The following DNAJC24 variants were observed in gnomAD, a reference collection of about 807,000 sequenced individuals.
DNAJC24 encodes the protein DnaJ heat shock protein family (Hsp40) member C24.
Under a neutral mutation model 18.0 loss-of-function variants are expected in DNAJC24, and 17 were observed. The ratio of observed to expected loss-of-function variants is 0.94; its 90% confidence interval spans 0.65 to 1.42. The LOEUF is 1.42. Among genes scored for constraint, DNAJC24 ranks in the 40% most tolerant of loss-of-function variants. The probability of loss-of-function intolerance (pLI) is 0.00; values close to 1 mark genes in which losing one functional copy is unlikely to be tolerated. For synonymous variants in DNAJC24, 55 were observed against 57.7 expected, an observed-to-expected ratio of 0.95 and a Z score of 0.21; for missense variants, 158 against 175.6, an observed-to-expected ratio of 0.90 and a Z score of 0.57.
chr11:31,392,709 C>CTTTTT (rs1194936438), intron 2 of DNAJC24, among the ~76,000 whole-genome samples: 2 of 129,322 alleles, frequency 1.5e-5, no homozygotes, highest in Admixed American at 7.8e-5. Flanking sequence ...TCACAATTTT[C>CTTTTT]TTTTTTTTTT....
intron 2 of DNAJC24, among the ~76,000 whole-genome samples, chr11:31,397,979 T>A (rs1952559919): frequency 6.6e-6 from 1 of 152,034 alleles, no homozygotes; most frequent in Non-Finnish European, 1.5e-5. Context: ...ATTTTTGTAT[T>A]CTCAGTAGAG....
chr11:31,404,646 A>G (rs531297815), intron 2 of DNAJC24, among the ~76,000 whole-genome samples: 3 of 152,274 alleles, frequency 2.0e-5, no homozygotes, highest in Admixed American at 2.0e-4. Flanking sequence ...AGTTTTTATT[A>G]TCTTTAGAGG....
intron 3 of DNAJC24, among the ~76,000 whole-genome samples, chr11:31,421,635 C>T (rs1370619315): frequency 2.6e-5 from 4 of 151,906 alleles, no homozygotes; most frequent in Non-Finnish European, 5.9e-5. Flanking sequence ...TTTATTTTTA[C>T]TTTATTTTTT....
At chr11:31,387,434 G>A (rs1315154328) in intron 2 of DNAJC24, among the ~76,000 whole-genome samples, 1 of 152,172 alleles carries the variant, frequency 6.6e-6, no homozygotes, top group Non-Finnish European at 1.5e-5. Context: ...GGGAAAATAA[G>A]GGAAGAGTAC....
intron 2 of DNAJC24, chr11:31,396,159 TTTACTG>T (rs1344443268): frequency 2.8e-6 from 1 of 363,098 alleles, no homozygotes; most frequent in East Asian, 7.4e-5. Context: ...ATGTAGTGGA[TTTACTG>T]TGACATCTGA....
At chr11:31,390,858 C>A (rs755868375) in intron 2 of DNAJC24, among the ~76,000 whole-genome samples, 2 of 152,088 alleles carry the variant, frequency 1.3e-5, no homozygotes, top group Non-Finnish European at 2.9e-5. Flanking sequence ...CTTCAAAATT[C>A]GTTCTACAAG....
intron 2 of DNAJC24, among the ~76,000 whole-genome samples, chr11:31,409,098 C>G (rs532570598): frequency 6.6e-6 from 1 of 152,262 alleles, no homozygotes; most frequent in African/African-American, 2.4e-5. Context: ...GTAATTCAAG[C>G]TTTTCACTAA....
chr11:31,404,903 C>A (rs1952639557), intron 2 of DNAJC24, among the ~76,000 whole-genome samples: 1 of 151,166 alleles, frequency 6.6e-6, no homozygotes, highest in Non-Finnish European at 1.5e-5. Context: ...AAAAAAAAAA[C>A]CAAAACACAA....
intron 2 of DNAJC24, among the ~76,000 whole-genome samples, chr11:31,398,461 G>A (rs1256098429): frequency 1.3e-5 from 2 of 152,100 alleles, no homozygotes; most frequent in African/African-American, 4.8e-5. Context: ...AGTTAAATCA[G>A]TTGAAGTTTT....
At chr11:31,406,955 A>G (rs1288194471) in intron 2 of DNAJC24, among the ~76,000 whole-genome samples, 2 of 152,230 alleles carry the variant, frequency 1.3e-5, no homozygotes, top group Non-Finnish European at 2.9e-5. Context: ...GGAATTCAAC[A>G]GGAGGATAAA....
Position 31,374,972 on chromosome 11 carries a change from T to A in DNAJC24, c.111+4113T>A, listed in dbSNP as rs538575274. 5.6e-4 allele frequency among the ~76,000 whole-genome samples: 76 copies of A among 135,138 alleles called. 7 individuals are homozygous for A. The highest frequency in any genetic ancestry group is 1.1e-3 in the African/African-American group (43 of 40,304). 88.7% of individuals were successfully genotyped at this position (135,138 alleles called of 152,430 possible). On this transcript the variant is annotated intron_variant, in intron 2 of 4. Coordinates refer to ENST00000465995, the MANE Select transcript of DNAJC24 (RefSeq NM_181706.5). Reference sequence around the variant, plus strand: ...GTTCTTACACATTTATGCCTTTTTTTAAAAAATTATTATTCCTTTTCTGTT... The same window carrying A: ...GTTCTTACACATTTATGCCTTTTTTAAAAAAATTATTATTCCTTTTCTGTT...
intron 2 of DNAJC24, chr11:31,385,112 CATTT>C (rs1221974136): frequency 1.3e-5 from 2 of 152,114 alleles, no homozygotes; most frequent in African/African-American, 2.4e-5. Context: ...AAGTTTTAAA[CATTT>C]ATCACAAATT....
Position 31,369,896 on chromosome 11 carries a change from C to G in DNAJC24, c.-50C>G, listed in dbSNP as rs1205366787. The stretch of plus-strand genomic sequence containing the variant: ...ACAGCAGGCGAGGAGTGGGTAGCAG[C>G]GCCTATGTGAAGTTAGGTAGGTCTG... On this transcript the variant is annotated 5_prime_UTR_variant, in exon 1 of 5. Coordinates refer to ENST00000465995, the MANE Select transcript of DNAJC24 (RefSeq NM_181706.5). 6.6e-6 allele frequency: 1 copy of G among 152,570 alleles called. No individual in the cohort carries two copies. Among genetic ancestry groups the G allele is most frequent in the Admixed American group, 6.5e-5 (1 of 15,272 alleles). The allele number at this position is 152,570 out of a possible 1,614,324, so 9.5% of individuals were successfully genotyped here.
intron 2 of DNAJC24, chr11:31,374,068 T>C (rs149751448): frequency 2.7e-6 from 1 of 373,914 alleles, no homozygotes; most frequent in African/African-American, 2.1e-5. Context: ...GTCTTACCAA[T>C]CTGTATGTCT....
chr11:31,425,840 C>A (rs1473127156), intron 3 of DNAJC24, among the ~76,000 whole-genome samples: 1 of 152,204 alleles, frequency 6.6e-6, no homozygotes, highest in African/African-American at 2.4e-5. Context: ...CAAACCAATA[C>A]ACCTAATGTT....
chr11:31,399,988 A>G (rs777360714), intron 2 of DNAJC24, among the ~76,000 whole-genome samples: 3 of 151,360 alleles, frequency 2.0e-5, no homozygotes, highest in Non-Finnish European at 4.4e-5. Flanking sequence ...TTCAGCTCCC[A>G]CTTATGAGTG....
In DNAJC24 at chr11:31,426,314, T is replaced by C; in HGVS notation, c.278T>C (p.Val93Ala). 3.2e-6 allele frequency: 5 copies of C among 1,571,712 alleles called. No homozygotes were observed. The highest frequency in any genetic ancestry group is 3.4e-6 in the Non-Finnish European group (4 of 1,161,036). ...CEDDLRNVGPVDAQVYLEEMS... is the reference protein window; with the variant it reads ...CEDDLRNVGPADAQVYLEEMS... ...GATGATCTAAGAAATGTAGGACCAG[T>C]AGATGCTCAAGTATATCTTGAAGAA... is the stretch of plus-strand genomic sequence containing the variant. The change falls in exon 4 of 5, where the codon GTA becomes GCA. Residue 93 changes from valine (V) to alanine (A), a missense_variant. Physicochemically the swap from Val to Ala is moderately conservative, Grantham distance 64 (BLOSUM62 0). Coordinates refer to ENST00000465995, the MANE Select transcript of DNAJC24 (RefSeq NM_181706.5).
intron 2 of DNAJC24, among the ~76,000 whole-genome samples, chr11:31,381,935 A>G (rs997406986): frequency 6.6e-6 from 1 of 152,112 alleles, no homozygotes; most frequent in Admixed American, 6.6e-5. Context: ...AATCCAGAAT[A>G]TTTTTTTGAG....
intron 2 of DNAJC24, among the ~76,000 whole-genome samples, chr11:31,378,389 G>A (rs564320209): frequency 2.6e-4 from 39 of 152,126 alleles, no homozygotes; most frequent in African/African-American, 7.5e-4. Flanking sequence ...ATTCTTTTTC[G>A]TGATAAAAGT....
Sources: gnomAD v4.1 joint callset for allele counts (sites outside exome capture counted in the v4.1 genomes callset) on GRCh38, gnomAD v4.1.1 for gene constraint, MANE v1.5 for transcripts, NCBI Gene and HGNC (gene_info 2026-07-23, HGNC 2026-07-21) for gene names.